Variants in MIS18A observed in about 807,000 individuals in gnomAD.
MIS18A encodes the protein protein Mis18-alpha.
A neutral mutation model predicts 25.0 loss-of-function variants in MIS18A; 14 were observed. That is an observed-to-expected ratio of 0.56 (90% CI 0.37 to 0.88). The LOEUF (loss-of-function observed/expected upper bound fraction) is 0.88, where lower values mean the gene tolerates loss of function less well. MIS18A is among the 40% of genes least tolerant of loss of function. The pLI, the probability that MIS18A is intolerant of heterozygous loss-of-function variation, is 0.00. For synonymous variants in MIS18A, 134 were observed against 118.6 expected (o/e 1.13, Z -0.84); for missense variants, 292 against 290.8 (o/e 1.00, Z -0.03).
the MIS18A span, among the ~76,000 whole-genome samples, chr21:32,157,095 G>A: frequency 2.3e-3 from 311 of 137,232 alleles, 4 homozygotes; most frequent in African/African-American, 7.5e-3. Context: ...ATATTCTGTC[G>A]CCCAGGCTGG....
intron 2 of MIS18A, among the ~76,000 whole-genome samples, chr21:32,271,940 C>T (rs1179271011): frequency 1.3e-5 from 2 of 152,184 alleles, no homozygotes; most frequent in African/African-American, 4.8e-5. Flanking sequence ...AAACCAGAGG[C>T]TTGAACTCCC....
At chr21:32,231,014 C>T in the MIS18A span, among the ~76,000 whole-genome samples, 1 of 151,796 alleles carries the variant, frequency 6.6e-6, no homozygotes, top group African/African-American at 2.4e-5. Context: ...GTGGGCAGAC[C>T]ACTTGAGGCC....
the MIS18A span, among the ~76,000 whole-genome samples, chr21:32,240,248 G>A: frequency 6.6e-6 from 1 of 152,238 alleles, no homozygotes; most frequent in African/African-American, 2.4e-5. Flanking sequence ...CCAACATGGT[G>A]GTACTGGAAT....
the MIS18A span, among the ~76,000 whole-genome samples, chr21:32,168,359 C>A: frequency 6.6e-6 from 1 of 152,166 alleles, no homozygotes; most frequent in African/African-American, 2.4e-5. Context: ...ACAGAGAAAT[C>A]TACATCCAGA....
the MIS18A span, among the ~76,000 whole-genome samples, chr21:32,242,040 G>A: frequency 6.6e-6 from 1 of 152,296 alleles, no homozygotes; most frequent in Non-Finnish European, 1.5e-5. Context: ...CACCACGCCC[G>A]GCTATATTTT....
At chr21:32,208,307 G>C in the MIS18A span, among the ~76,000 whole-genome samples, 1 of 152,132 alleles carries the variant, frequency 6.6e-6, no homozygotes, top group African/African-American at 2.4e-5. Context: ...CTGGACCATG[G>C]GGGTGGATTT....
the MIS18A span, among the ~76,000 whole-genome samples, chr21:32,244,931 A>G: frequency 1.1e-4 from 17 of 152,356 alleles, no homozygotes; most frequent in Non-Finnish European, 1.3e-4. Context: ...ATAAAGTCCA[A>G]AAACAGAGCA....
At chr21:32,233,575 CCT>C in the MIS18A span, among the ~76,000 whole-genome samples, 1 of 152,188 alleles carries the variant, frequency 6.6e-6, no homozygotes. Context: ...ACTCAGGTTT[CCT>C]CTCTACAATT....
the MIS18A span, among the ~76,000 whole-genome samples, chr21:32,232,601 C>T: frequency 3.3e-5 from 5 of 151,954 alleles, no homozygotes; most frequent in African/African-American, 1.2e-4. Context: ...TTTGTGACAA[C>T]ATACATGAAC....
the MIS18A span, among the ~76,000 whole-genome samples, chr21:32,257,695 C>A: frequency 6.6e-6 from 1 of 152,158 alleles, no homozygotes. Context: ...GATGAGGAAA[C>A]CTAGCCTGGG....
At chr21:32,239,600 A>G in the MIS18A span, among the ~76,000 whole-genome samples, 1 of 152,242 alleles carries the variant, frequency 6.6e-6, no homozygotes, top group Non-Finnish European at 1.5e-5. Context: ...TGCCATCGCA[A>G]CCAGGTATGT....
the MIS18A span, among the ~76,000 whole-genome samples, chr21:32,241,425 C>A: frequency 1 from 152,093 of 152,094 alleles, 76,046 homozygotes; most frequent in Non-Finnish European, 1. Flanking sequence ...AGGATGTGAC[C>A]CCAAATGGTA....
the MIS18A span, among the ~76,000 whole-genome samples, chr21:32,205,423 C>T: frequency 6.6e-6 from 1 of 152,104 alleles, no homozygotes; most frequent in African/African-American, 2.4e-5. Context: ...CCTGCTCCCT[C>T]ATTCCTAGTT....
At chr21:32,254,453 C>G in the MIS18A span, among the ~76,000 whole-genome samples, 1 of 152,018 alleles carries the variant, frequency 6.6e-6, no homozygotes, top group Non-Finnish European at 1.5e-5. Flanking sequence ...ATCACTTGAA[C>G]CCGGGAGGTG....
the MIS18A span, among the ~76,000 whole-genome samples, chr21:32,184,532 T>C: frequency 6.6e-6 from 1 of 152,182 alleles, no homozygotes; most frequent in Non-Finnish European, 1.5e-5. Context: ...ATCCCAATTA[T>C]CACCCTTAAT....
chr21:32,179,233 A>T, the MIS18A span, among the ~76,000 whole-genome samples: 3 of 152,026 alleles, frequency 2.0e-5, no homozygotes, highest in Admixed American at 2.0e-4. Flanking sequence ...AACTCTCTAG[A>T]CTTTCTCTTT....
chr21:32,255,952 G>A, the MIS18A span, among the ~76,000 whole-genome samples: 1 of 151,586 alleles, frequency 6.6e-6, no homozygotes, highest in Non-Finnish European at 1.5e-5. Flanking sequence ...TAGTGTAAAA[G>A]TTCAGCCATT....
chr21:32,269,389 T>C (rs2031671329), intron 4 of MIS18A, among the ~76,000 whole-genome samples: 1 of 152,216 alleles, frequency 6.6e-6, no homozygotes, highest in African/African-American at 2.4e-5. Flanking sequence ...AATGTTAACA[T>C]CCAACAACAA....
chr21:32,226,777 T>C, the MIS18A span, among the ~76,000 whole-genome samples: 1 of 152,146 alleles, frequency 6.6e-6, no homozygotes, highest in Non-Finnish European at 1.5e-5. Flanking sequence ...TACAGAACAC[T>C]TCAGAATACA....
Sources: allele counts gnomAD v4.1 joint callset (sites outside exome capture counted in the v4.1 genomes callset), GRCh38; gene constraint gnomAD v4.1.1; transcripts MANE v1.5; gene names NCBI Gene and HGNC (gene_info 2026-07-23, HGNC 2026-07-21).